Variants in MSRA observed in about 807,000 individuals in gnomAD.
MSRA encodes the protein mitochondrial peptide methionine sulfoxide reductase.
A neutral mutation model predicts 31.3 loss-of-function variants in MSRA; 54 were observed. The observed-to-expected ratio is 1.73, with a 90% CI of 1.39 to 2.17. The LOEUF (loss-of-function observed/expected upper bound fraction) is 2.17. Among genes scored for constraint, MSRA ranks in the 30% most tolerant of loss-of-function variants. The probability of loss-of-function intolerance (pLI) is 0.00; values close to 1 mark genes in which losing one functional copy is unlikely to be tolerated. For missense variants in MSRA, 507 were observed against 300.9 expected, an observed-to-expected ratio of 1.69 and a Z score of -5.07; for synonymous variants, 169 against 116.5, an observed-to-expected ratio of 1.45 and a Z score of -2.90.
intron 1 of MSRA, among the ~76,000 whole-genome samples, chr8:10,078,886 A>C (rs980741590): frequency 6.6e-6 from 1 of 152,164 alleles, no homozygotes; most frequent in African/African-American, 2.4e-5. Context: ...ATCCTTAACA[A>C]GGTTTGTCTT....
At chr8:10,198,620 A>G (rs1322122087) in intron 1 of MSRA, among the ~76,000 whole-genome samples, 2 of 152,124 alleles carry the variant, frequency 1.3e-5, no homozygotes, top group Non-Finnish European at 2.9e-5. Flanking sequence ...TGCTTTTGAC[A>G]TTCTTGGTTG....
chr8:10,245,773 G>T (rs1189137853), intron 3 of MSRA, among the ~76,000 whole-genome samples: 1 of 152,202 alleles, frequency 6.6e-6, no homozygotes, highest in Admixed American at 6.5e-5. Context: ...AGAGGATGAG[G>T]CCCATTCTCT....
chr8:10,068,546 C>A (rs752085253), intron 1 of MSRA, among the ~76,000 whole-genome samples: 1 of 152,134 alleles, frequency 6.6e-6, no homozygotes, highest in Non-Finnish European at 1.5e-5. Context: ...TTGGTCAAGC[C>A]CATTAGTTGA....
At chr8:10,250,580 C>T in intron 3 of MSRA, 1 of 668,146 alleles carries the variant, frequency 1.5e-6, no homozygotes, top group South Asian at 1.6e-5. Context: ...CAGACATTTC[C>T]TTATCAACAG....
chr8:10,253,941 A>T (rs1798045510), intron 3 of MSRA, among the ~76,000 whole-genome samples: 1 of 152,096 alleles, frequency 6.6e-6, no homozygotes, highest in Admixed American at 6.5e-5. Context: ...AGACAGAAAA[A>T]CACGGTTGCT....
At position 10,381,620 on chromosome 8, in the gene MSRA, G is replaced by A. The variant is rs118015407; in HGVS notation, c.544-46528G>A. ...GAACACACATGCCCTCAAACCTTGT[G>A]GGTGGGGCTCTAGGTTCTGGCATTC... is the stretch of plus-strand genomic sequence containing the variant. On this transcript the variant is annotated intron_variant, in intron 5 of 5. Coordinates refer to ENST00000317173, the MANE Select transcript of MSRA (RefSeq NM_012331.5). Among the ~76,000 whole-genome samples, 476 of 152,308 alleles carry A rather than the reference G, an allele frequency of 3.1e-3. 1 individual carries two copies. The highest frequency in any genetic ancestry group is 5.6e-3 in the South Asian group (27 of 4,830).
chr8:10,149,186 G>C (rs946301195), intron 1 of MSRA, among the ~76,000 whole-genome samples: 1 of 151,040 alleles, frequency 6.6e-6, no homozygotes, highest in Admixed American at 6.6e-5. Flanking sequence ...CAATGGCACA[G>C]TCTCGGCTCA....
At chr8:10,228,879 T>G (rs1811227067) in intron 2 of MSRA, among the ~76,000 whole-genome samples, 1 of 152,204 alleles carries the variant, frequency 6.6e-6, no homozygotes, top group Non-Finnish European at 1.5e-5. Flanking sequence ...TCCTTTCCCT[T>G]AACTTCCTTT....
intron 1 of MSRA, among the ~76,000 whole-genome samples, chr8:10,203,745 T>G (rs1205981520): frequency 3.3e-5 from 5 of 152,220 alleles, no homozygotes; most frequent in Admixed American, 3.3e-4. Context: ...TATAAAAAAC[T>G]GTAAAATAGC....
chr8:10,236,086 T>C (rs913588820), intron 2 of MSRA, among the ~76,000 whole-genome samples: 12 of 152,162 alleles, frequency 7.9e-5, no homozygotes, highest in African/African-American at 2.9e-4. Context: ...TCATGCATGA[T>C]AAAAAGCTTT....
chr8:10,136,967 C>T (rs1453898580), intron 1 of MSRA, among the ~76,000 whole-genome samples: 6 of 152,186 alleles, frequency 3.9e-5, no homozygotes, highest in African/African-American at 1.4e-4. Context: ...TCGTCATGGG[C>T]CCAAAAAGAC....
intron 2 of MSRA, among the ~76,000 whole-genome samples, chr8:10,232,795 T>C (rs554943504): frequency 6.6e-6 from 1 of 152,150 alleles, no homozygotes; most frequent in African/African-American, 2.4e-5. Flanking sequence ...ATAAAAACAA[T>C]CCAGTAGGAC....
intron 3 of MSRA, among the ~76,000 whole-genome samples, chr8:10,296,829 C>G (rs1248881139): frequency 2.0e-5 from 3 of 152,148 alleles, no homozygotes; most frequent in African/African-American, 7.2e-5. Context: ...TGCACCTGCC[C>G]AGCAGCAGAG....
At chr8:10,170,334 C>T (rs779826147) in intron 1 of MSRA, among the ~76,000 whole-genome samples, 3 of 152,132 alleles carry the variant, frequency 2.0e-5, no homozygotes, top group Non-Finnish European at 4.4e-5. Flanking sequence ...AGTTAGTGCT[C>T]TTATAAGAAA....
At chr8:10,080,733 C>T (rs111931508) in intron 1 of MSRA, among the ~76,000 whole-genome samples, 2,312 of 146,204 alleles carry the variant, frequency 0.016, 26 homozygotes, top group Non-Finnish European at 0.024. Context: ...GAGATGAGGT[C>T]TCGCTATGTT....
At chr8:10,086,489 T>A (rs1798563557) in intron 1 of MSRA, among the ~76,000 whole-genome samples, 1 of 152,184 alleles carries the variant, frequency 6.6e-6, no homozygotes. Flanking sequence ...CTGGGATGGT[T>A]GCTTGAAATT....
At chr8:10,418,112 A>G (rs1315460229) in intron 5 of MSRA, among the ~76,000 whole-genome samples, 5 of 152,220 alleles carry the variant, frequency 3.3e-5, no homozygotes, top group South Asian at 2.1e-4. Flanking sequence ...TACCACCACA[A>G]TACTTTAAAA....
At chr8:10,336,295 CATT>C (rs1803039245) in intron 5 of MSRA, among the ~76,000 whole-genome samples, 1 of 152,066 alleles carries the variant, frequency 6.6e-6, no homozygotes, top group South Asian at 2.1e-4. Context: ...ATTGGAGGAA[CATT>C]ATTATGCCAG....
At chr8:10,199,187 G>A (rs945842704) in intron 1 of MSRA, among the ~76,000 whole-genome samples, 5 of 152,144 alleles carry the variant, frequency 3.3e-5, no homozygotes, top group African/African-American at 9.7e-5. Context: ...GGGCCGCTGG[G>A]TTCCTCTTGC....
Sources: gnomAD v4.1 joint callset for allele counts (sites outside exome capture counted in the v4.1 genomes callset) on GRCh38, gnomAD v4.1.1 for gene constraint, MANE v1.5 for transcripts, NCBI Gene and HGNC (gene_info 2026-07-23, HGNC 2026-07-21) for gene names.